FAM216A: variants seen among roughly 807,000 people sequenced by gnomAD.
The protein encoded by FAM216A is protein FAM216A.
A neutral mutation model predicts 37.6 loss-of-function variants in FAM216A; 26 were observed. That is an observed-to-expected ratio of 0.69 (90% CI 0.51 to 0.96). FAM216A has a LOEUF of 0.96. Among genes scored for constraint, FAM216A ranks in the 40% least tolerant of loss-of-function variants. The pLI, the probability that FAM216A is intolerant of heterozygous loss-of-function variation, is 0.00. For missense variants in FAM216A, 326 were observed against 339.3 expected, an observed-to-expected ratio of 0.96 and a Z score of 0.31; for synonymous variants, 110 against 121.7, an observed-to-expected ratio of 0.90 and a Z score of 0.64.
At chr12:110,477,346 TTTTA>T (rs371282708) in intron 2 of FAM216A, among the ~76,000 whole-genome samples, 32 of 152,292 alleles carry the variant, frequency 2.1e-4, no homozygotes, top group South Asian at 1.9e-3. Flanking sequence ...TCATCCATTC[TTTTA>T]TTTATTTATT....
intron 2 of FAM216A, among the ~76,000 whole-genome samples, chr12:110,476,017 C>A (rs1273563775): frequency 6.6e-6 from 1 of 151,660 alleles, no homozygotes; most frequent in African/African-American, 2.4e-5. Context: ...GGATTACAGG[C>A]GTGAGCCACC....
intron 1 of FAM216A, among the ~76,000 whole-genome samples, chr12:110,470,253 C>T (rs1387038750): frequency 2.0e-5 from 3 of 151,868 alleles, no homozygotes; most frequent in African/African-American, 7.3e-5. Context: ...CGCCTGCCAC[C>T]ACGCCCGGCT....
chr12:110,483,542 C>T (rs1565853051), intron 2 of FAM216A, among the ~76,000 whole-genome samples: 1 of 151,282 alleles, frequency 6.6e-6, no homozygotes, highest in East Asian at 2.0e-4. Context: ...CAATGAAATA[C>T]GCTGGGCATG....
rs544931251 is a variant in FAM216A at position 110,478,172 on chromosome 12, GTTAT to G, written c.184+5061_184+5064del. Among the ~76,000 whole-genome samples, 35 of 152,084 alleles carry G rather than the reference GTTAT, an allele frequency of 2.3e-4. 1 individual carries two copies. Among genetic ancestry groups the G allele is most frequent in the Non-Finnish European group, 4.3e-4 (29 of 68,020 alleles). On this transcript the variant is annotated intron_variant, in intron 2 of 6. Transcript: ENST00000377673. ...AGGTTAAATACTTTACTTTAAATCT[GTTAT>G]TTATTTTGATGCTCAAATTATCCCA...
upstream of FAM216A, chr12:110,468,539 G>A (rs977628146): frequency 6.5e-7 from 1 of 1,537,300 alleles, no homozygotes; most frequent in Non-Finnish European, 8.7e-7. Context: ...CGTGGTTTGC[G>A]TGCAGACGTT....
At chr12:110,475,649 G>A (rs1469162770) in intron 2 of FAM216A, among the ~76,000 whole-genome samples, 1 of 150,822 alleles carries the variant, frequency 6.6e-6, no homozygotes, top group Admixed American at 6.6e-5. Flanking sequence ...TCAGCTAACT[G>A]CAGCCTCGAC....
rs754439713 is a variant in FAM216A at position 110,486,288 on chromosome 12, C to G, written c.307-37C>G. 4.6e-5 allele frequency: 71 copies of G among 1,550,806 alleles called. 2 individuals carry two copies. In the South Asian group the frequency reaches 8.1e-4, roughly 18 times the overall value. ...AGGAATATTGCCAACTTCTCTAATA[C>G]AATGCAGACTATAAATCCTCTTATT... On this transcript the variant is annotated intron_variant, in intron 3 of 6. Transcript: ENST00000377673.
intron 6 of FAM216A, among the ~76,000 whole-genome samples, chr12:110,488,820 C>A (rs1044514510): frequency 3.9e-5 from 6 of 151,940 alleles, no homozygotes; most frequent in Non-Finnish European, 8.8e-5. Flanking sequence ...AAGAGATTAA[C>A]AACAATAAAT....
At chr12:110,484,838 C>T (rs375684281) in intron 2 of FAM216A, among the ~76,000 whole-genome samples, 2 of 151,762 alleles carry the variant, frequency 1.3e-5, no homozygotes, top group African/African-American at 4.8e-5. Context: ...CTGCAAGCTC[C>T]GCCTCCCGGG....
chr12:110,485,289 T>G, intron 3 of FAM216A, 90 bp downstream of exon 3: 1 of 1,174,072 alleles, frequency 8.5e-7, no homozygotes, highest in Non-Finnish European at 1.2e-6. Flanking sequence ...GAGGGTGAGA[T>G]ACTGCAGATG....
chr12:110,473,876 A>C (rs916297817), intron 2 of FAM216A, among the ~76,000 whole-genome samples: 4 of 152,166 alleles, frequency 2.6e-5, no homozygotes, highest in African/African-American at 9.7e-5. Flanking sequence ...CAATCCCCCA[A>C]AGGTCTCTCA....
chr12:110,489,071 T>C (rs2062793913), intron 6 of FAM216A, among the ~76,000 whole-genome samples: 1 of 152,188 alleles, frequency 6.6e-6, no homozygotes, highest in African/African-American at 2.4e-5. Context: ...AGGATCCTTC[T>C]ACCACAAGAA....
chr12:110,476,779 G>A (rs1183536378), intron 2 of FAM216A, among the ~76,000 whole-genome samples: 2 of 151,764 alleles, frequency 1.3e-5, no homozygotes, highest in African/African-American at 4.8e-5. Context: ...TGCCCACCTC[G>A]GCCTCCCAAA....
chr12:110,477,198 C>T (rs976948677), intron 2 of FAM216A, among the ~76,000 whole-genome samples: 49 of 152,268 alleles, frequency 3.2e-4, no homozygotes, highest in Non-Finnish European at 2.1e-4. Context: ...ATGTTGTCAT[C>T]GTTTGGTTCA....
chr12:110,469,234 C>T (rs1035974854), intron 1 of FAM216A: 3 of 500,698 alleles, frequency 6.0e-6, no homozygotes, highest in Non-Finnish European at 9.8e-6. Context: ...CTGAGGGAAG[C>T]TTCGGAGGAG....
At chr12:110,487,838 T>A (rs1439450531) in intron 5 of FAM216A, 23 bp from the exon 6 acceptor site, 34 of 1,461,078 alleles carry the variant, frequency 2.3e-5, no homozygotes, top group Non-Finnish European at 3.2e-5. Context: ...TGGCTCCAAC[T>A]AAGATACTTC....
intron 2 of FAM216A, among the ~76,000 whole-genome samples, chr12:110,484,149 C>T (rs1276380971): frequency 6.6e-6 from 1 of 151,652 alleles, no homozygotes; most frequent in African/African-American, 2.4e-5. Context: ...TAAAGTTAGG[C>T]CGGGCGCCGT....
chr12:110,488,071 CAAAT>C (rs1338690030), intron 6 of FAM216A, 128 bp downstream of exon 6: 2 of 643,488 alleles, frequency 3.1e-6, no homozygotes, highest in African/African-American at 1.9e-5. Context: ...TTTATTGTCA[CAAAT>C]AAAAAACCAA....
intron 1 of FAM216A, among the ~76,000 whole-genome samples, chr12:110,470,768 G>A (rs900598784): frequency 6.6e-6 from 1 of 151,738 alleles, no homozygotes; most frequent in Non-Finnish European, 1.5e-5. Context: ...TTTTATCTCC[G>A]CCTGTCGTTC....
Sources: allele counts gnomAD v4.1 joint callset (sites outside exome capture counted in the v4.1 genomes callset), GRCh38; gene constraint gnomAD v4.1.1; transcripts MANE v1.5; gene names NCBI Gene and HGNC (gene_info 2026-07-23, HGNC 2026-07-21).